MRPL28: variants seen among roughly 807,000 people sequenced by gnomAD.
MRPL28 encodes large ribosomal subunit protein bL28m.
In MRPL28, 25 loss-of-function variants were observed where a neutral mutation model predicts 26.2. That is an observed-to-expected ratio of 0.95 (90% confidence interval 0.69 to 1.33). The LOEUF (loss-of-function observed/expected upper bound fraction) is 1.33. Ranked by LOEUF, MRPL28 falls within the 40% of genes most tolerant of loss-of-function variation. The pLI, the probability that MRPL28 is intolerant of heterozygous loss-of-function variation, is 0.00. For missense variants in MRPL28, 432 were observed against 327.2 expected (o/e 1.32, Z -2.47); for synonymous variants, 227 against 140.1 (o/e 1.62, Z -4.38).
At position 369,609 on chromosome 16, in the gene MRPL28, G is replaced by C. The variant is rs780071719; in HGVS notation, c.288+322C>G. Reference sequence around the variant, plus strand: ...CACAAGCAGCCTCGAAGCTCTGCTCGCCTCCCCCACCTGCTCTGCTCGCCT... The same window carrying C: ...CACAAGCAGCCTCGAAGCTCTGCTCCCCTCCCCCACCTGCTCTGCTCGCCT... On this transcript the variant is annotated intron_variant, in intron 2 of 5. Transcript: ENST00000199706. 13 of 716,494 alleles carry C rather than the reference G, an allele frequency of 1.8e-5. 1 individual carries two copies. In the South Asian group the frequency reaches 2.0e-4, roughly 11 times the overall value. The allele number at this position is 716,494 out of a possible 1,614,324, so 44.4% of individuals were successfully genotyped here.
rs777894580 is a variant in MRPL28 at position 370,210 on chromosome 16, T to C, written c.9A>G (p.Leu3=). The stretch of plus-strand genomic sequence containing the variant: ...TCCAGAGCCACACGGGATACTTGTG[T>C]AGAGGCATCGCGAGCCTGGCGGGAG... MP[L]HKYPVWLWKR... is the part of the protein sequence containing the mutation. The change falls in exon 2 of 6, where the codon CTA becomes CTG. Residue 3 remains leucine (L), a synonymous_variant. Transcript: ENST00000199706. The C allele has an allele frequency of 1.6e-5, 26 of 1,584,222 alleles. No individual in the cohort carries two copies. In the South Asian group the frequency reaches 2.2e-4, roughly 14 times the overall value.
intron 3 of MRPL28, 87 bp from the exon 4 acceptor site, chr16:368,722 C>T: frequency 6.7e-7 from 1 of 1,503,312 alleles, no homozygotes; most frequent in Non-Finnish European, 8.9e-7. Context: ...TCTCTAGCCG[C>T]TGGTGGTCCC....
Position 369,147 on chromosome 16 carries a change from T to C in MRPL28, c.362A>G (p.Lys121Arg). ...EREFYSEILD[K>R]KFTVTVTMRT... is the part of the protein sequence containing the mutation. ...CATGGTCACAGTCACTGTGAACTTCTTGTCCAGGATCTCACTGTAGAACTC... is the reference window on the plus strand; with the variant it reads ...CATGGTCACAGTCACTGTGAACTTCCTGTCCAGGATCTCACTGTAGAACTC... Residue 121 changes from lysine (K) to arginine (R), a missense_variant, in exon 3 of 6, where the codon AAG becomes AGG. Transcript: ENST00000199706. The C allele has an allele frequency of 6.2e-7, 1 of 1,614,086 alleles. No individual in the cohort carries two copies. The highest frequency in any genetic ancestry group is 8.5e-7 in the Non-Finnish European group (1 of 1,179,954).
Position 369,068 on chromosome 16 carries a change from C to T in MRPL28, c.441G>A (p.Lys147=). The T allele has an allele frequency of 1.9e-6, 3 of 1,613,404 alleles. No homozygotes were observed. The highest frequency in any genetic ancestry group is 2.5e-6 in the Non-Finnish European group (3 of 1,179,796). Residue 147 remains lysine (K), a splice_region_variant and synonymous_variant, in exon 3 of 6, where the codon AAG becomes AAA. Coordinates refer to ENST00000199706, the MANE Select transcript of MRPL28 (RefSeq NM_006428.5). ...EAYGLDFYIL[K]TPKEDLCSKF... The stretch of plus-strand genomic sequence containing the variant: ...CACTGACTCGCCCCACCCCGCTTGC[C>T]TTGAGGATGTAAAAGTCGAGCCCAT...
intron 2 of MRPL28, 40 bp from the exon 3 acceptor site, chr16:369,260 C>T (rs2054293245): frequency 6.3e-7 from 1 of 1,576,852 alleles, no homozygotes. Flanking sequence ...CTGCTGCTTT[C>T]TCTTACATAC....
Position 367,467 on chromosome 16 carries a change from C to G in MRPL28, c.*208G>C, listed in dbSNP as rs921934974. 1.4e-6 allele frequency: 1 copy of G among 715,996 alleles called. No homozygotes were observed. Among genetic ancestry groups the G allele is most frequent in the Admixed American group, 2.0e-5 (1 of 49,784 alleles). The allele number at this position is 715,996 out of a possible 1,614,324, so 44.4% of individuals were successfully genotyped here. The stretch of plus-strand genomic sequence containing the variant: ...CACTGCCGCAAACGTCGGGGCCCAG[C>G]CTGAGAGGAGCCTCTGGGCGGCCCA... On this transcript the variant is annotated 3_prime_UTR_variant, in exon 6 of 6. Coordinates refer to ENST00000199706, the MANE Select transcript of MRPL28 (RefSeq NM_006428.5).
intron 2 of MRPL28, chr16:369,576 A>T: frequency 1.6e-6 from 1 of 616,978 alleles, no homozygotes; most frequent in Non-Finnish European, 3.1e-6. Context: ...TCCCGCCAGG[A>T]AGTCCACCAC....
Position 367,480 on chromosome 16 carries a change from T to C in MRPL28, c.*195A>G, listed in dbSNP as rs750410669. On this transcript the variant is annotated 3_prime_UTR_variant, in exon 6 of 6. Transcript: ENST00000199706. ...GTCGGGGCCCAGCCTGAGAGGAGCC[T>C]CTGGGCGGCCCAGGCCTCCTGGGGA... is the stretch of plus-strand genomic sequence containing the variant. 1 of 718,214 alleles carries C rather than the reference T, an allele frequency of 1.4e-6. No homozygotes were observed. Among genetic ancestry groups the C allele is most frequent in the Non-Finnish European group, 2.6e-6 (1 of 387,012 alleles). The allele number at this position is 718,214 out of a possible 1,614,324, so 44.5% of individuals were successfully genotyped here. A position where few individuals can be genotyped will look rare whatever the true frequency, so the allele number is the denominator to read the frequency against.
Position 367,780 on chromosome 16 carries a change from G to C in MRPL28, c.666C>G (p.Asp222Glu). ...IEKQRLLEEK[D>E]PVPLFKIYVA... ...CATAGATCTTGAACAGGGGTACAGG[G>C]TCCTGAAGGAGAGAGGGGCTCATGG... Residue 222 changes from aspartate to glutamate, a missense_variant and splice_region_variant, in exon 6 of 6, where the codon GAC (aspartate) becomes GAG (glutamate). Coordinates refer to ENST00000199706, the MANE Select transcript of MRPL28 (RefSeq NM_006428.5). 6.2e-7 allele frequency: 1 copy of C among 1,613,388 alleles called. No individual in the cohort carries two copies. The highest frequency in any genetic ancestry group is 1.1e-5 in the South Asian group (1 of 91,064).
chr16:370,169 C>CGCAGCT lies in MRPL28; in HGVS notation c.44_49dup (p.Gln15_Leu16dup). 6.2e-7 allele frequency: 1 copy of CGCAGCT among 1,600,014 alleles called. No homozygotes were observed. On this transcript the variant is annotated inframe_insertion, in exon 2 of 6. Transcript: ENST00000199706. ...GGGCAGGCGGGAACAGATGCCCTCC[C>CGCAGCT]GCAGCTGCAGCCGCTTCCAGAGCCA...
At chr16:368,085 G>C (rs913557632) in intron 5 of MRPL28, among the ~76,000 whole-genome samples, 1 of 152,328 alleles carries the variant, frequency 6.6e-6, no homozygotes, top group African/African-American at 2.4e-5. Context: ...GCTGGTGGCC[G>C]AGCAAACCCT....
rs371296144 is a variant in MRPL28 at position 369,266 on chromosome 16, C to T, written c.289-46G>A. 1.3e-5 allele frequency: 20 copies of T among 1,488,412 alleles called. No individual in the cohort carries two copies. The African/African-American group carries it at 3.1e-4, about 23-fold the overall frequency. 92.2% of individuals were successfully genotyped at this position (1,488,412 alleles called of 1,614,324 possible). ...CCATGAGTACTGCTGCTTTCTCTTA[C>T]ATACCAAGGGGGGCCCAGGCAACTG... is the stretch of plus-strand genomic sequence containing the variant. On this transcript the variant is annotated intron_variant, in intron 2 of 5. Transcript: ENST00000199706.
rs759428450 is a variant in MRPL28, at chr16:368,642, G to A, written c.442-7C>T. On this transcript the variant is annotated splice_polypyrimidine_tract_variant and splice_region_variant and intron_variant, in intron 3 of 5. Coordinates refer to ENST00000199706, the MANE Select transcript of MRPL28 (RefSeq NM_006428.5). ...ACAGGTCCTCCTTCGGGGTCTGGCA[G>A]AAGGCTCACATGGGGCCAGGTGCTG... 28 of 1,544,226 alleles carry A rather than the reference G, an allele frequency of 1.8e-5. No individual in the cohort carries two copies. The highest frequency in any genetic ancestry group is 4.5e-5 in the East Asian group (2 of 44,198).
chr16:369,861 C>T lies in MRPL28; in HGVS notation c.288+70G>A, dbSNP rs2054303618. 7 of 1,542,358 alleles carry T rather than the reference C, an allele frequency of 4.5e-6. No homozygotes were observed. The South Asian group carries it at 7.3e-5, about 16-fold the overall frequency. On this transcript the variant is annotated intron_variant, in intron 2 of 5. Transcript: ENST00000199706. Reference sequence around the variant, plus strand: ...CCCACCCAGGTCTCTCCAGGTACCCCGGGCGTCCGGCACAGAGCCGGCACA... The same window carrying T: ...CCCACCCAGGTCTCTCCAGGTACCCTGGGCGTCCGGCACAGAGCCGGCACA...
chr16:368,995 G>A, intron 3 of MRPL28, 73 bp downstream of exon 3: 1 of 1,541,702 alleles, frequency 6.5e-7, no homozygotes, highest in Non-Finnish European at 8.9e-7. Context: ...GTGTGATGCT[G>A]ACCTGGGGCT....
rs201029535 is a variant in MRPL28, at chr16:369,237, G to A, written c.289-17C>T. On this transcript the variant is annotated splice_polypyrimidine_tract_variant and intron_variant, in intron 2 of 5. Transcript: ENST00000199706. Reference sequence around the variant, plus strand: ...CTTGGAGAGCTGAGGGTGCAACAGAGCCTCCATGAGTACTGCTGCTTTCTC... The same window carrying A: ...CTTGGAGAGCTGAGGGTGCAACAGAACCTCCATGAGTACTGCTGCTTTCTC... The A allele has an allele frequency of 7.4e-6, 12 of 1,612,728 alleles. No individual in the cohort carries two copies. Among genetic ancestry groups the A allele is most frequent in the South Asian group, 3.3e-5 (3 of 91,050 alleles).
rs1042187996 is a variant in MRPL28 at position 367,870 on chromosome 16, G to A, written c.664-88C>T. On this transcript the variant is annotated intron_variant, in intron 5 of 5. Transcript: ENST00000199706. The stretch of plus-strand genomic sequence containing the variant: ...GGATGGGATCAGCAGCTGCCGCCCA[G>A]AGGAACCGGGGCATGAGAGGCCCTG... 24 of 1,139,228 alleles carry A rather than the reference G, an allele frequency of 2.1e-5. No individual in the cohort carries two copies. In the Admixed American group the frequency reaches 4.6e-4, roughly 22 times the overall value. 70.6% of individuals were successfully genotyped at this position (1,139,228 alleles called of 1,614,324 possible). A position where few individuals can be genotyped will look rare whatever the true frequency, so the allele number is the denominator to read the frequency against.
Position 370,091 on chromosome 16 carries a change from T to C in MRPL28, c.128A>G (p.Tyr43Cys), listed in dbSNP as rs989796439. 5 of 1,611,834 alleles carry C rather than the reference T, an allele frequency of 3.1e-6. No individual in the cohort carries two copies. The highest frequency in any genetic ancestry group is 1.1e-5 in the South Asian group (1 of 90,936). ...CTTGAACTTGGCCCCATGAGGCCTA[T>C]AGTGCACGGGAGTGGGCGTCCGCTC... ...EEERTPTPVHYRPHGAKFKIN... is the reference protein window; with the variant it reads ...EEERTPTPVHCRPHGAKFKIN... Residue 43 changes from tyrosine (Y) to cysteine (C), a missense_variant, in exon 2 of 6, where the codon TAT becomes TGT. Coordinates refer to ENST00000199706, the MANE Select transcript of MRPL28 (RefSeq NM_006428.5).
intron 2 of MRPL28, 162 bp from the exon 3 acceptor site, chr16:369,382 C>A: frequency 2.3e-6 from 2 of 853,708 alleles, no homozygotes; most frequent in Non-Finnish European, 1.8e-6. Flanking sequence ...AGCCCAGTGC[C>A]GCCCCAGCCC....
Sources: allele counts gnomAD v4.1 joint callset (sites outside exome capture counted in the v4.1 genomes callset), GRCh38; gene constraint gnomAD v4.1.1; transcripts MANE v1.5; gene names NCBI Gene and HGNC (gene_info 2026-07-23, HGNC 2026-07-21).